TCERG1: variants seen among roughly 807,000 people sequenced by gnomAD.
The protein encoded by TCERG1 is TATA box binding protein (TBP)-associated factor, RNA polymerase II, S, 150kD.
A neutral mutation model predicts 144.7 loss-of-function variants in TCERG1; 37 were observed. That is an observed-to-expected ratio of 0.26 (90% CI 0.20 to 0.34). TCERG1 has a LOEUF of 0.34. TCERG1 is among the 10% of genes least tolerant of loss of function. TCERG1 has a pLI of 1.00. For missense variants in TCERG1, 1,027 were observed against 1,380.7 expected (o/e 0.74, Z 4.06); for synonymous variants, 492 against 458.2 (o/e 1.07, Z -0.94).
intron 1 of TCERG1, among the ~76,000 whole-genome samples, chr5:146,450,842 A>G (rs1181027110): frequency 6.6e-6 from 1 of 152,244 alleles, no homozygotes; most frequent in African/African-American, 2.4e-5. Context: ...GGGGAATGAA[A>G]GTAATGATAG....
chr5:146,459,060 C>A lies in TCERG1; in HGVS notation c.615C>A (p.Ala205=), dbSNP rs939447846. ...CTCAGGCCCAGGCACAAGCTCAGGC[C>A]CAGGCTCAGGCTCAGGCCCAGGCCC... is the stretch of plus-strand genomic sequence containing the variant. ...AQAQAQAQAQ[A]QAQAQAQAQA... Residue 205 remains alanine (A), a synonymous_variant, in exon 4 of 23, where the codon GCC becomes GCA. Coordinates refer to ENST00000679501, the MANE Select transcript of TCERG1 (RefSeq NM_001382548.1). 281 of 1,594,224 alleles carry A rather than the reference C, an allele frequency of 1.8e-4. 1 individual carries two copies. In the African/African-American group the frequency reaches 3.6e-3, roughly 20 times the overall value.
chr5:146,476,764 T>C (rs984952470), intron 9 of TCERG1, among the ~76,000 whole-genome samples: 3 of 152,032 alleles, frequency 2.0e-5, no homozygotes, highest in Admixed American at 2.0e-4. Context: ...GTTCTTCAGA[T>C]GAGATAGTTA....
At chr5:146,505,698 C>T (rs1452851850) in intron 19 of TCERG1, 1 of 143,070 alleles carries the variant, frequency 7.0e-6, no homozygotes, top group Non-Finnish European at 1.5e-5. Context: ...CCTTAGACCA[C>T]CCTTGTGCTC....
intron 4 of TCERG1, among the ~76,000 whole-genome samples, chr5:146,459,779 T>C (rs1308838516): frequency 1.3e-5 from 2 of 152,200 alleles, no homozygotes; most frequent in African/African-American, 4.8e-5. Context: ...GTGGACTACA[T>C]GGGTATTTAT....
intron 21 of TCERG1, among the ~76,000 whole-genome samples, chr5:146,508,709 T>C (rs980585671): frequency 1.3e-5 from 2 of 152,216 alleles, no homozygotes; most frequent in African/African-American, 4.8e-5. Flanking sequence ...AAGTTAAGTA[T>C]TGAGTGTTAA....
At position 146,498,611 on chromosome 5, in the gene TCERG1, A is replaced by G; in HGVS notation, c.2358A>G (p.Arg786=). The change falls in exon 17 of 23, where the codon CGA becomes CGG. Residue 786 remains arginine (R), a synonymous_variant. Transcript: ENST00000679501. ...AAGCAATTGAAAAGATGAAAGACCGAGAAGCCTTGTTTAATGAGTTTGTGG... is the reference window on the plus strand; with the variant it reads ...AAGCAATTGAAAAGATGAAAGACCGGGAAGCCTTGTTTAATGAGTTTGTGG... ...RFKAIEKMKD[R]EALFNEFVAA... 1 of 1,612,712 alleles carries G rather than the reference A, an allele frequency of 6.2e-7. No individual in the cohort carries two copies. Among genetic ancestry groups the G allele is most frequent in the East Asian group, 2.2e-5 (1 of 44,762 alleles).
At chr5:146,480,460 T>C (rs1006527361) in intron 12 of TCERG1, 1 of 166,532 alleles carries the variant, frequency 6.0e-6, no homozygotes, top group Non-Finnish European at 1.3e-5. Context: ...TCCCTCTTTA[T>C]ATGGTTATCT....
At chr5:146,460,426 A>ATT (rs10634090) in intron 4 of TCERG1, among the ~76,000 whole-genome samples, 87,059 of 150,628 alleles carry the variant, frequency 0.58, 26,133 homozygotes, top group Non-Finnish European at 0.65. Flanking sequence ...TTAAATAATG[A>ATT]TTTTTTTATT....
chr5:146,462,479 G>A (rs1390308929), intron 4 of TCERG1, among the ~76,000 whole-genome samples: 1 of 152,032 alleles, frequency 6.6e-6, no homozygotes, highest in East Asian at 1.9e-4. Context: ...TATGAAATAA[G>A]GATTTTAGTT....
In TCERG1 at chr5:146,450,454, T is replaced by A. The variant is rs570083543; in HGVS notation, c.59+3046T>A. ...GGTTATACAGGGCCTGATATAATAA[T>A]TATAGTAATAATAGCTAACATTACT... On this transcript the variant is annotated intron_variant, in intron 1 of 22. Coordinates refer to ENST00000679501, the MANE Select transcript of TCERG1 (RefSeq NM_001382548.1). Among the ~76,000 whole-genome samples, 10 of 152,310 alleles carry A rather than the reference T, an allele frequency of 6.6e-5. 1 individual carries two copies. Among genetic ancestry groups the A allele is most frequent in the South Asian group, 2.1e-4 (1 of 4,832 alleles).
At chr5:146,498,289 C>CT (rs530530509) in intron 16 of TCERG1, among the ~76,000 whole-genome samples, 97 of 146,060 alleles carry the variant, frequency 6.6e-4, no homozygotes, top group East Asian at 1.2e-3. Context: ...TGATCTCTTT[C>CT]TTTTTTTTTT....
intron 15 of TCERG1, among the ~76,000 whole-genome samples, chr5:146,487,238 A>G (rs1038055595): frequency 1.3e-5 from 2 of 152,184 alleles, no homozygotes; most frequent in Non-Finnish European, 2.9e-5. Context: ...GATAACTAAG[A>G]ATTAAATTTA....
intron 4 of TCERG1, among the ~76,000 whole-genome samples, chr5:146,460,446 G>A (rs1376724570): frequency 6.9e-6 from 1 of 144,248 alleles, no homozygotes; most frequent in Admixed American, 7.1e-5. Context: ...TTGATTATTT[G>A]TTATGGCACT....
intron 4 of TCERG1, chr5:146,462,241 GTTT>G (rs1763396647): frequency 6.6e-6 from 1 of 152,544 alleles, no homozygotes; most frequent in Non-Finnish European, 1.5e-5. Flanking sequence ...GTGTGCTTTT[GTTT>G]AGAACAAAGT....
chr5:146,490,272 A>G (rs1429561581), intron 15 of TCERG1, among the ~76,000 whole-genome samples: 1 of 152,150 alleles, frequency 6.6e-6, no homozygotes, highest in African/African-American at 2.4e-5. Context: ...GTGGATGAAG[A>G]TTGGTAGACA....
chr5:146,509,166 G>T lies in TCERG1; in HGVS notation c.3067G>T (p.Glu1023Ter). The T allele has an allele frequency of 6.3e-7, 1 of 1,582,702 alleles. No homozygotes were observed. The highest frequency in any genetic ancestry group is 8.6e-7 in the Non-Finnish European group (1 of 1,168,300). Residue 1023 changes from glutamate to a stop codon, truncating the protein, a stop_gained, in exon 22 of 23, where the codon GAA becomes TAA. Coordinates refer to ENST00000679501, the MANE Select transcript of TCERG1 (RefSeq NM_001382548.1). LOFTEE classifies it high-confidence loss of function. Reference sequence around the variant, plus strand: ...ACAGAAAAAACAAAGAGAATTTGAAGAATATATCAGAGACAAATATATCAC... The same window carrying T: ...ACAGAAAAAACAAAGAGAATTTGAATAATATATCAGAGACAAATATATCAC... ...SDRKKQREFE[E>*]YIRDKYITAK...
In TCERG1 at chr5:146,511,199, C is replaced by G. The variant is rs1768433746; in HGVS notation, c.*557C>G. On this transcript the variant is annotated 3_prime_UTR_variant, in exon 23 of 23. Transcript: ENST00000679501. ...TTCACTTACGTGCTTTGATTATCCC[C>G]TCTGAATTATAGACCGAGTCTTGTT... is the stretch of plus-strand genomic sequence containing the variant. 1 of 152,736 alleles carries G rather than the reference C, an allele frequency of 6.5e-6. No individual in the cohort carries two copies. The highest frequency in any genetic ancestry group is 3.4e-3 in the Middle Eastern group (1 of 294). The allele number at this position is 152,736 out of a possible 1,614,324, so 9.5% of individuals were successfully genotyped here. A position where few individuals can be genotyped will look rare whatever the true frequency, so the allele number is the denominator to read the frequency against.
At chr5:146,447,778 T>G (rs1762007345) in intron 1 of TCERG1, among the ~76,000 whole-genome samples, 1 of 152,250 alleles carries the variant, frequency 6.6e-6, no homozygotes, top group Admixed American at 6.5e-5. Context: ...GCTGCGGGCC[T>G]GATTTTCCTC....
chr5:146,489,539 AATT>A (rs1766196076), intron 15 of TCERG1, among the ~76,000 whole-genome samples: 1 of 152,198 alleles, frequency 6.6e-6, no homozygotes. Context: ...ATCAGTGTGA[AATT>A]AAAAATATGA....
Sources: allele counts gnomAD v4.1 joint callset (sites outside exome capture counted in the v4.1 genomes callset), GRCh38; gene constraint gnomAD v4.1.1; transcripts MANE v1.5; gene names NCBI Gene and HGNC (gene_info 2026-07-23, HGNC 2026-07-21).